The following RARB variants were observed in gnomAD, a reference collection of about 807,000 sequenced individuals.
RARB encodes the protein HBV-activated protein.
A neutral mutation model predicts 51.9 loss-of-function variants in RARB; 17 were observed. The observed-to-expected ratio is 0.33, with a 90% confidence interval of 0.22 to 0.49. The LOEUF is 0.49. Ranked by LOEUF, RARB falls within the 20% of genes least tolerant of loss-of-function variation. The probability of loss-of-function intolerance (pLI) is 0.99; values close to 1 mark genes in which losing one functional copy is unlikely to be tolerated. For synonymous variants in RARB, 215 were observed against 195.4 expected (o/e 1.10, Z -0.84); for missense variants, 369 against 550.8 (o/e 0.67, Z 3.30).
At chr3:25,235,808 AAAATAG>A (rs1452346949) in intron 5 of RARB, among the ~76,000 whole-genome samples, 1 of 152,182 alleles carries the variant, frequency 6.6e-6, no homozygotes, top group Admixed American at 6.6e-5. Context: ...TTTGTGCATT[AAAATAG>A]AAATAGAAAT....
intron 2 of RARB, among the ~76,000 whole-genome samples, chr3:25,485,097 T>C (rs1696398040): frequency 6.6e-6 from 1 of 152,228 alleles, no homozygotes; most frequent in African/African-American, 2.4e-5. Context: ...AAAATTATTT[T>C]CTTTTACTGT....
At chr3:25,142,890 C>T (rs991573433) in intron 4 of RARB, among the ~76,000 whole-genome samples, 3 of 152,052 alleles carry the variant, frequency 2.0e-5, no homozygotes, top group Admixed American at 6.5e-5. Flanking sequence ...GACCTGTCCC[C>T]GTGTCTGATC....
chr3:25,294,289 G>A (rs971274524), intron 5 of RARB, among the ~76,000 whole-genome samples: 16 of 152,162 alleles, frequency 1.1e-4, no homozygotes, highest in African/African-American at 2.9e-4. Context: ...AAAAGTCCAG[G>A]TTTTGAAGAG....
intron 5 of RARB, among the ~76,000 whole-genome samples, chr3:25,320,854 C>T (rs1704551499): frequency 6.6e-6 from 1 of 152,178 alleles, no homozygotes; most frequent in Non-Finnish European, 1.5e-5. Flanking sequence ...TATAGTCAAA[C>T]CCCAGGCAAA....
At chr3:25,075,939 A>G (rs1311744054) in intron 3 of RARB, among the ~76,000 whole-genome samples, 3 of 152,070 alleles carry the variant, frequency 2.0e-5, no homozygotes, top group African/African-American at 7.3e-5. Flanking sequence ...GTGCCATTAG[A>G]TGTCTGAAAG....
At chr3:24,992,377 C>A (rs574022383) in intron 2 of RARB, among the ~76,000 whole-genome samples, 2 of 152,168 alleles carry the variant, frequency 1.3e-5, no homozygotes, top group African/African-American at 4.8e-5. Context: ...TTTCATCTTT[C>A]TGTCCTCTTA....
At chr3:24,924,593 A>C (rs1695278902) in intron 2 of RARB, among the ~76,000 whole-genome samples, 1 of 152,198 alleles carries the variant, frequency 6.6e-6, no homozygotes, top group Non-Finnish European at 1.5e-5. Flanking sequence ...TAGCTCTATG[A>C]ATATTTTTAC....
chr3:25,260,376 A>C (rs944386282), intron 5 of RARB, among the ~76,000 whole-genome samples: 3 of 152,158 alleles, frequency 2.0e-5, no homozygotes, highest in African/African-American at 7.2e-5. Flanking sequence ...AGATTGTGTT[A>C]GCCTACCATG....
chr3:25,204,187 A>G (rs528680005), intron 5 of RARB, among the ~76,000 whole-genome samples: 7 of 152,112 alleles, frequency 4.6e-5, no homozygotes, highest in African/African-American at 7.2e-5. Context: ...TTGATCTTCA[A>G]TCATTGATAC....
Position 25,190,252 on chromosome 3 carries a change from A to G in RARB, c.178+15677A>G, listed in dbSNP as rs1197925211. Among the ~76,000 whole-genome samples, 9 of 152,198 alleles carry G rather than the reference A, an allele frequency of 5.9e-5. No individual in the cohort carries two copies. In the East Asian group the frequency reaches 7.8e-4, roughly 13 times the overall value. On this transcript the variant is annotated intron_variant, in intron 5 of 11. Coordinates refer to the RARB transcript ENST00000383772. ...TTCTCTCTGGACATAGGAACAGTCA[A>G]TGAGTGTACTCACATGTTCCCTTAC...
chr3:25,167,817 C>T (rs1035364880), intron 4 of RARB, among the ~76,000 whole-genome samples: 1 of 152,106 alleles, frequency 6.6e-6, no homozygotes, highest in African/African-American at 2.4e-5. Flanking sequence ...CACCAGCAGC[C>T]CCAGCCTTAT....
At chr3:25,328,854 A>C (rs1349704684) in intron 5 of RARB, among the ~76,000 whole-genome samples, 1 of 152,224 alleles carries the variant, frequency 6.6e-6, no homozygotes, top group African/African-American at 2.4e-5. Flanking sequence ...TGGTCTTAGC[A>C]AATGGCACAC....
chr3:25,117,798 AG>A (rs1162319126), intron 3 of RARB, among the ~76,000 whole-genome samples: 1 of 152,176 alleles, frequency 6.6e-6, no homozygotes, highest in Non-Finnish European at 1.5e-5. Context: ...AATACACCAA[AG>A]AAATTAATTA....
chr3:25,127,422 T>G (rs1345727070), intron 3 of RARB, among the ~76,000 whole-genome samples: 1 of 152,182 alleles, frequency 6.6e-6, no homozygotes, highest in Non-Finnish European at 1.5e-5. Flanking sequence ...TGGTGTCTTC[T>G]CATTCTGGCA....
At chr3:25,058,954 CA>C (rs939936564) in intron 2 of RARB, among the ~76,000 whole-genome samples, 2 of 150,338 alleles carry the variant, frequency 1.3e-5, no homozygotes, top group South Asian at 2.1e-4. Flanking sequence ...AAAAAAATTC[CA>C]AAAAAAATTT....
At chr3:25,496,503 C>A (rs538407145) in intron 2 of RARB, among the ~76,000 whole-genome samples, 8 of 152,306 alleles carry the variant, frequency 5.3e-5, no homozygotes, top group Admixed American at 5.2e-4. Flanking sequence ...AGGAAGGTGG[C>A]ACACTTGATG....
chr3:25,234,790 A>C (rs1559516894), intron 5 of RARB, among the ~76,000 whole-genome samples: 2 of 152,112 alleles, frequency 1.3e-5, no homozygotes, highest in African/African-American at 4.8e-5. Context: ...AATAGGGAAG[A>C]AAAAATTATG....
chr3:25,248,573 A>G (rs1702626794), intron 5 of RARB, among the ~76,000 whole-genome samples: 1 of 152,102 alleles, frequency 6.6e-6, no homozygotes, highest in Non-Finnish European at 1.5e-5. Context: ...GATGGTAGAT[A>G]GTATCTTTTT....
chr3:25,208,224 C>A lies in RARB; in HGVS notation c.178+33649C>A, dbSNP rs142083199. On this transcript the variant is annotated intron_variant, in intron 5 of 11. Coordinates refer to the RARB transcript ENST00000383772. Reference sequence around the variant, plus strand: ...TCAACTGAAGATTTGGAGGGGACATCCAAACTATATTAGCATATTTTATTG... The same window carrying A: ...TCAACTGAAGATTTGGAGGGGACATACAAACTATATTAGCATATTTTATTG... Among the ~76,000 whole-genome samples the A allele has an allele frequency of 3.8e-3, 581 of 152,234 alleles. 2 individuals are homozygous for A. The highest frequency in any genetic ancestry group is 0.013 in the African/African-American group (540 of 41,548).
Sources: allele counts gnomAD v4.1 joint callset (sites outside exome capture counted in the v4.1 genomes callset), GRCh38; gene constraint gnomAD v4.1.1; transcripts MANE v1.5; gene names NCBI Gene and HGNC (gene_info 2026-07-23, HGNC 2026-07-21).